The following JARID2 variants were observed in gnomAD, a reference collection of about 807,000 sequenced individuals.
The protein encoded by JARID2 is jumonji and AT-rich interaction domain containing 2, also known as protein Jumonji.
In JARID2, 21 loss-of-function variants were observed where a neutral mutation model predicts 125.6. That is an observed-to-expected ratio of 0.17 (90% confidence interval 0.12 to 0.24). JARID2 has a LOEUF of 0.24. Among genes scored for constraint, JARID2 ranks in the 10% least tolerant of loss-of-function variants. The pLI, the probability that JARID2 is intolerant of heterozygous loss-of-function variation, is 1.00. For missense variants in JARID2, 1,303 were observed against 1,639.6 expected (o/e 0.79, Z 3.55); for synonymous variants, 736 against 661.6 (o/e 1.11, Z -1.73).
intron 3 of JARID2, among the ~76,000 whole-genome samples, chr6:15,420,390 A>C (rs1766430021): frequency 7.4e-6 from 1 of 136,024 alleles, no homozygotes; most frequent in Admixed American, 7.9e-5. Context: ...GTGACAGAGC[A>C]AGACTCCATA....
At chr6:15,442,960 AT>A (rs1046536895) in intron 3 of JARID2, among the ~76,000 whole-genome samples, 1 of 152,116 alleles carries the variant, frequency 6.6e-6, no homozygotes, top group Non-Finnish European at 1.5e-5. Context: ...GCTACCTGAG[AT>A]TTATATGCAC....
At chr6:15,248,334 C>A (rs1180792332) in intron 1 of JARID2, among the ~76,000 whole-genome samples, 2 of 135,950 alleles carry the variant, frequency 1.5e-5, no homozygotes, top group African/African-American at 5.3e-5. Context: ...AGGCGGGCAC[C>A]GGTCTACCCG....
intron 3 of JARID2, among the ~76,000 whole-genome samples, chr6:15,448,424 T>A (rs1767771661): frequency 6.6e-6 from 1 of 152,162 alleles, no homozygotes; most frequent in Non-Finnish European, 1.5e-5. Flanking sequence ...CGCTGCACAA[T>A]CTTCTCATCG....
chr6:15,502,529 C>T (rs899794539), intron 8 of JARID2, among the ~76,000 whole-genome samples: 1 of 152,190 alleles, frequency 6.6e-6, no homozygotes, highest in Non-Finnish European at 1.5e-5. Context: ...CCTCAGGTGC[C>T]CACGGCTGCC....
At chr6:15,421,969 T>C (rs1766508443) in intron 3 of JARID2, among the ~76,000 whole-genome samples, 1 of 152,222 alleles carries the variant, frequency 6.6e-6, no homozygotes, top group Non-Finnish European at 1.5e-5. Flanking sequence ...CCAAGGGATG[T>C]ATTCCTTCTT....
At chr6:15,269,250 G>C (rs1362361197) in intron 1 of JARID2, among the ~76,000 whole-genome samples, 1 of 152,164 alleles carries the variant, frequency 6.6e-6, no homozygotes, top group Admixed American at 6.5e-5. Context: ...CCCTAGACCA[G>C]GCCACTGGGC....
chr6:15,340,450 A>T (rs1332345208), intron 1 of JARID2, among the ~76,000 whole-genome samples: 4 of 152,192 alleles, frequency 2.6e-5, no homozygotes, highest in African/African-American at 9.7e-5. Flanking sequence ...AGTTATGAAC[A>T]ACCAGTTTGG....
intron 8 of JARID2, 69 bp downstream of exon 8, chr6:15,501,478 C>T (rs554489335): frequency 3.5e-6 from 5 of 1,433,532 alleles, no homozygotes; most frequent in South Asian, 2.8e-5. Context: ...GGAAGTGGAG[C>T]GTGCTATGCA....
chr6:15,286,020 T>C (rs1316688000), intron 1 of JARID2, among the ~76,000 whole-genome samples: 1 of 152,198 alleles, frequency 6.6e-6, no homozygotes, highest in East Asian at 1.9e-4. Context: ...TTTGAAGTTT[T>C]TCCTTTCAGT....
intron 5 of JARID2, among the ~76,000 whole-genome samples, chr6:15,478,132 C>T (rs972118635): frequency 1.3e-5 from 2 of 152,194 alleles, no homozygotes; most frequent in Admixed American, 6.5e-5. Context: ...TTGGCCCATG[C>T]CCCATGAGTT....
At chr6:15,437,028 T>TC (rs1475413551) in intron 3 of JARID2, among the ~76,000 whole-genome samples, 1 of 152,108 alleles carries the variant, frequency 6.6e-6, no homozygotes, top group Non-Finnish European at 1.5e-5. Flanking sequence ...GGCCACCCTG[T>TC]CCTTCAGCCG....
chr6:15,282,247 C>G (rs1203928882), intron 1 of JARID2, among the ~76,000 whole-genome samples: 1 of 151,926 alleles, frequency 6.6e-6, no homozygotes, highest in Non-Finnish European at 1.5e-5. Context: ...CTGTCATGTG[C>G]TGTTTTAGAG....
At chr6:15,321,682 A>G (rs1336205415) in intron 1 of JARID2, among the ~76,000 whole-genome samples, 2 of 152,112 alleles carry the variant, frequency 1.3e-5, no homozygotes, top group East Asian at 3.8e-4. Context: ...AAGTAAGTTA[A>G]CAAGAACAAA....
At chr6:15,515,741 C>T (rs1048531959) in intron 16 of JARID2, among the ~76,000 whole-genome samples, 7 of 142,088 alleles carry the variant, frequency 4.9e-5, no homozygotes, top group Non-Finnish European at 1.1e-4. Context: ...AGAGTGACAA[C>T]CTGTCTCTTT....
intron 6 of JARID2, among the ~76,000 whole-genome samples, chr6:15,488,060 T>C (rs1302633922): frequency 6.6e-6 from 1 of 152,188 alleles, no homozygotes; most frequent in Non-Finnish European, 1.5e-5. Flanking sequence ...CCTCTTCCAC[T>C]GAAGGCATTT....
chr6:15,247,723 A>G (rs1759239321), intron 1 of JARID2: 1 of 985,252 alleles, frequency 1.0e-6, no homozygotes, highest in Non-Finnish European at 1.2e-6. Context: ...GAAAAGCTGA[A>G]TGCCTCTTCA....
chr6:15,497,177 C>G lies in JARID2; in HGVS notation c.1945+7C>G, dbSNP rs1216868354. 1.3e-6 allele frequency: 2 copies of G among 1,537,852 alleles called. No individual in the cohort carries two copies. The highest frequency in any genetic ancestry group is 1.8e-6 in the Non-Finnish European group (2 of 1,138,566). On this transcript the variant is annotated splice_region_variant and intron_variant, in intron 7 of 17. Coordinates refer to ENST00000341776, the MANE Select transcript of JARID2 (RefSeq NM_004973.4). ...GACGAGCTCCCGCTCATAGGTAGGT[C>G]TGGGCGGGGGGTCAGGGGGTGGTGC...
intron 1 of JARID2, among the ~76,000 whole-genome samples, chr6:15,353,286 C>T (rs1450445649): frequency 6.6e-6 from 1 of 152,136 alleles, no homozygotes; most frequent in East Asian, 1.9e-4. Context: ...TGCATTTACC[C>T]ACTAATGATA....
chr6:15,317,199 C>T (rs1383862811), intron 1 of JARID2, among the ~76,000 whole-genome samples: 1 of 151,820 alleles, frequency 6.6e-6, no homozygotes, highest in Non-Finnish European at 1.5e-5. Flanking sequence ...CTGTGAAATC[C>T]CCTTGAGAAA....
Sources: gnomAD v4.1 joint callset for allele counts (sites outside exome capture counted in the v4.1 genomes callset) on GRCh38, gnomAD v4.1.1 for gene constraint, MANE v1.5 for transcripts, NCBI Gene and HGNC (gene_info 2026-07-23, HGNC 2026-07-21) for gene names.